LOXHD1: variants seen among roughly 807,000 people sequenced by gnomAD.
LOXHD1 encodes the protein lipoxygenase homology domain-containing protein 1.
In LOXHD1, 205 loss-of-function variants were observed where a neutral mutation model predicts 248.2. The ratio of observed to expected loss-of-function variants is 0.83; its 90% confidence interval spans 0.74 to 0.93. The LOEUF (loss-of-function observed/expected upper bound fraction) is 0.93. Ranked by LOEUF, LOXHD1 falls within the 40% of genes least tolerant of loss-of-function variation. The pLI is 0.00. For missense variants in LOXHD1, 2,930 were observed against 2,971.6 expected (o/e 0.99, Z 0.33); for synonymous variants, 1,113 against 1,162.8 (o/e 0.96, Z 0.87).
chr18:46,529,931 T>A (rs545477136), intron 28 of LOXHD1, among the ~76,000 whole-genome samples: 2 of 152,142 alleles, frequency 1.3e-5, no homozygotes, highest in African/African-American at 4.8e-5. Flanking sequence ...CTATGGCCCA[T>A]AGGGAGGGCT....
At position 46,545,245 on chromosome 18, in the gene LOXHD1, A is replaced by C. The variant is rs1385915191; in HGVS notation, c.3619+72T>G. 4 of 1,136,848 alleles carry C rather than the reference A, an allele frequency of 3.5e-6. No homozygotes were observed. The African/African-American group carries it at 6.2e-5, about 18-fold the overall frequency. 70.4% of individuals were successfully genotyped at this position (1,136,848 alleles called of 1,614,324 possible). A position where few individuals can be genotyped will look rare whatever the true frequency, so the allele number is the denominator to read the frequency against. ...AAGCATAATTAGGATTCCCCTTGGA[A>C]ATTTCTGCTGAGTCTTCTGGTCTCC... On this transcript the variant is annotated intron_variant, in intron 23 of 40. Transcript: ENST00000642948.
At chr18:46,625,438 G>A (rs1350385783) in intron 4 of LOXHD1, among the ~76,000 whole-genome samples, 1 of 151,132 alleles carries the variant, frequency 6.6e-6, no homozygotes, top group Non-Finnish European at 1.5e-5. Context: ...ACTGGAAGGA[G>A]AAGAATTCCC....
At chr18:46,609,579 CA>C (rs1485677600) in intron 6 of LOXHD1, among the ~76,000 whole-genome samples, 1 of 152,094 alleles carries the variant, frequency 6.6e-6, no homozygotes, top group Non-Finnish European at 1.5e-5. Flanking sequence ...CTGTAATGAA[CA>C]GAAATATTAT....
At position 46,601,481 on chromosome 18, in the gene LOXHD1, A is replaced by G; in HGVS notation, c.884-14T>C. On this transcript the variant is annotated splice_polypyrimidine_tract_variant and intron_variant, in intron 7 of 40. Transcript: ENST00000642948. ...TATACGTAATAGCTGGTGTGGAAACAACAGGAAAGAGAGTGTTCAATGTGA... is the reference window on the plus strand; with the variant it reads ...TATACGTAATAGCTGGTGTGGAAACGACAGGAAAGAGAGTGTTCAATGTGA... The G allele has an allele frequency of 6.4e-7, 1 of 1,551,788 alleles. No homozygotes were observed. Among genetic ancestry groups the G allele is most frequent in the African/African-American group, 1.4e-5 (1 of 73,124 alleles).
intron 29 of LOXHD1, among the ~76,000 whole-genome samples, chr18:46,527,388 A>T (rs2035874287): frequency 1.3e-5 from 2 of 152,196 alleles, no homozygotes; most frequent in Admixed American, 1.3e-4. Context: ...CCAAGACTTG[A>T]CAACATCCAG....
chr18:46,508,123 T>G (rs2034703001), intron 35 of LOXHD1, among the ~76,000 whole-genome samples: 1 of 152,180 alleles, frequency 6.6e-6, no homozygotes, highest in Non-Finnish European at 1.5e-5. Context: ...CACCATATTA[T>G]TGACTCAAGA....
At chr18:46,649,540 G>T (rs545611786) in intron 1 of LOXHD1, among the ~76,000 whole-genome samples, 1 of 152,192 alleles carries the variant, frequency 6.6e-6, no homozygotes, top group Non-Finnish European at 1.5e-5. Flanking sequence ...ACCAGAGCCC[G>T]GCCCAAAGCC....
chr18:46,595,038 C>A (rs867027784), intron 8 of LOXHD1, among the ~76,000 whole-genome samples: 3 of 152,332 alleles, frequency 2.0e-5, no homozygotes, highest in Non-Finnish European at 4.4e-5. Context: ...GAAATTTTGA[C>A]TCTCACATTA....
intron 5 of LOXHD1, among the ~76,000 whole-genome samples, chr18:46,614,780 T>C (rs2038561729): frequency 6.6e-6 from 1 of 151,898 alleles, no homozygotes; most frequent in East Asian, 1.9e-4. Flanking sequence ...ATAAGACTAA[T>C]CTGTACATTT....
chr18:46,586,572 A>T (rs1254025143), intron 12 of LOXHD1, among the ~76,000 whole-genome samples: 1 of 152,062 alleles, frequency 6.6e-6, no homozygotes, highest in Non-Finnish European at 1.5e-5. Context: ...CAGCCTCCCG[A>T]GTAACTGGGA....
In LOXHD1 at chr18:46,533,298, G is replaced by T; in HGVS notation, c.4239C>A (p.Cys1413Ter). 9.0e-6 allele frequency: 14 copies of T among 1,551,822 alleles called. No homozygotes were observed. The highest frequency in any genetic ancestry group is 1.2e-5 in the Non-Finnish European group (14 of 1,147,022). Residue 1413 changes from cysteine (C) to a stop codon, truncating the protein, a stop_gained, in exon 28 of 41, where the codon TGC becomes TGA. Transcript: ENST00000642948. LOFTEE classifies it high-confidence loss of function. ...KDGAETLTFP[C>*]DRWLATSEDD... is the part of the protein sequence containing the mutation. ...CCTCAGAGGTGGCAAGCCACCGATC[G>T]CATGGGAAAGTCAAGGTCTCTGCAC...
At chr18:46,504,702 C>T (rs192706642) in intron 37 of LOXHD1, among the ~76,000 whole-genome samples, 83 of 152,278 alleles carry the variant, frequency 5.5e-4, no homozygotes, top group African/African-American at 1.6e-3. Context: ...AGTTGGGTTT[C>T]GTCAGTGACC....
intron 37 of LOXHD1, among the ~76,000 whole-genome samples, chr18:46,494,213 G>A (rs1291168299): frequency 2.0e-5 from 3 of 152,148 alleles, no homozygotes; most frequent in Non-Finnish European, 4.4e-5. Flanking sequence ...TATGCCTGAC[G>A]TCTCTAATGA....
chr18:46,534,518 TC>T, intron 26 of LOXHD1, 67 bp from the exon 27 acceptor site: 1 of 1,198,960 alleles, frequency 8.3e-7, no homozygotes, highest in East Asian at 2.6e-5. Flanking sequence ...CTTGGCAACA[TC>T]CTGCTTCCCC....
At chr18:46,518,852 A>AGG in intron 33 of LOXHD1, 1 of 983,178 alleles carries the variant, frequency 1.0e-6, no homozygotes, top group Non-Finnish European at 1.2e-6. Context: ...GCTGCGAATG[A>AGG]GGGGTGCCAT....
At chr18:46,586,670 A>G (rs1338518989) in intron 12 of LOXHD1, among the ~76,000 whole-genome samples, 1 of 152,078 alleles carries the variant, frequency 6.6e-6, no homozygotes, top group African/African-American at 2.4e-5. Context: ...CTGGTCTCGA[A>G]CTCCTGACCT....
intron 12 of LOXHD1, among the ~76,000 whole-genome samples, chr18:46,582,489 G>GT (rs1489388043): frequency 2.0e-5 from 3 of 151,844 alleles, no homozygotes; most frequent in Admixed American, 2.0e-4. Context: ...AAAGAAAGCA[G>GT]TAAGAATATA....
intron 4 of LOXHD1, among the ~76,000 whole-genome samples, chr18:46,634,016 C>CCA: frequency 6.6e-6 from 1 of 152,154 alleles, no homozygotes; most frequent in East Asian, 1.9e-4. Flanking sequence ...AATGGTACAA[C>CCA]CACTGTAGAA....
At chr18:46,634,132 T>C (rs1485032585) in intron 4 of LOXHD1, among the ~76,000 whole-genome samples, 1 of 152,222 alleles carries the variant, frequency 6.6e-6, no homozygotes, top group African/African-American at 2.4e-5. Flanking sequence ...TGTACGCCCA[T>C]GTTCATAGCA....
Sources: allele counts gnomAD v4.1 joint callset (sites outside exome capture counted in the v4.1 genomes callset), GRCh38; gene constraint gnomAD v4.1.1; transcripts MANE v1.5; gene names NCBI Gene and HGNC (gene_info 2026-07-23, HGNC 2026-07-21).